HIVEP3: variants seen among roughly 807,000 people sequenced by gnomAD.
HIVEP3 encodes transcription factor HIVEP3.
A neutral mutation model predicts 152.8 loss-of-function variants in HIVEP3; 49 were observed. The ratio of observed to expected loss-of-function variants is 0.32; its 90% CI spans 0.26 to 0.41. The LOEUF (loss-of-function observed/expected upper bound fraction) is 0.41. HIVEP3 is among the 10% of genes least tolerant of loss of function. The pLI is 1.00. For synonymous variants in HIVEP3, 1,269 were observed against 1,289.0 expected, an observed-to-expected ratio of 0.98 and a Z score of 0.33; for missense variants, 2,790 against 3,103.3, an observed-to-expected ratio of 0.90 and a Z score of 2.40.
chr1:41,819,536 A>G (rs935683056), intron 1 of HIVEP3, among the ~76,000 whole-genome samples: 3 of 152,110 alleles, frequency 2.0e-5, no homozygotes, highest in Non-Finnish European at 2.9e-5. Flanking sequence ...TCCTCTCAGA[A>G]TTGTTTTAGC....
chr1:41,805,714 A>T (rs559913257), intron 1 of HIVEP3, among the ~76,000 whole-genome samples: 2 of 152,358 alleles, frequency 1.3e-5, no homozygotes, highest in South Asian at 4.1e-4. Flanking sequence ...TCCATTTTAA[A>T]ATGAGAACAA....
chr1:41,527,096 CCA>C lies in HIVEP3; in HGVS notation c.5208-2188_5208-2187del, dbSNP rs1327364604. Reference sequence around the variant, plus strand: ...CTCATCCTCACACACACCCACACACCCACACTCACCCTCACACACCCTCTTCC... The same window carrying C: ...CTCATCCTCACACACACCCACACACCCACTCACCCTCACACACCCTCTTCC... On this transcript the variant is annotated intron_variant, in intron 5 of 8. Coordinates refer to ENST00000372583, the MANE Select transcript of HIVEP3 (RefSeq NM_024503.5). Among the ~76,000 whole-genome samples, 44 of 121,654 alleles carry C rather than the reference CCA, an allele frequency of 3.6e-4. 1 individual carries two copies. The highest frequency in any genetic ancestry group is 5.9e-4 in the Non-Finnish European group (33 of 56,306). The allele number at this position is 121,654 out of a possible 152,430, so 79.8% of individuals were successfully genotyped here. A position where few individuals can be genotyped will look rare whatever the true frequency, so the allele number is the denominator to read the frequency against.
intron 1 of HIVEP3, among the ~76,000 whole-genome samples, chr1:41,761,073 G>C (rs571425652): frequency 6.6e-6 from 1 of 152,402 alleles, no homozygotes; most frequent in South Asian, 2.1e-4. Flanking sequence ...TGGTGAGAGA[G>C]ACTACAGGGC....
chr1:41,555,863 A>G (rs1035155145), intron 5 of HIVEP3, among the ~76,000 whole-genome samples: 7 of 152,274 alleles, frequency 4.6e-5, no homozygotes, highest in South Asian at 2.1e-4. Flanking sequence ...TATGTACCCC[A>G]TATCAGTGAA....
intron 3 of HIVEP3, among the ~76,000 whole-genome samples, chr1:41,588,574 A>G (rs980401029): frequency 6.6e-6 from 1 of 152,012 alleles, no homozygotes. Flanking sequence ...CTGCATCATC[A>G]GATGACTACA....
intron 2 of HIVEP3, among the ~76,000 whole-genome samples, chr1:41,629,617 C>A (rs1240309329): frequency 3.3e-5 from 5 of 152,108 alleles, no homozygotes; most frequent in Non-Finnish European, 7.3e-5. Flanking sequence ...AGGCAAAGGA[C>A]ACGAATAGAC....
At chr1:41,518,747 T>C (rs936813267) in intron 6 of HIVEP3, among the ~76,000 whole-genome samples, 6 of 150,778 alleles carry the variant, frequency 4.0e-5, no homozygotes. Context: ...ACAGACAGTA[T>C]AATGAGGAAG....
intron 5 of HIVEP3, among the ~76,000 whole-genome samples, chr1:41,559,371 A>C (rs573482944): frequency 6.6e-6 from 1 of 152,346 alleles, no homozygotes; most frequent in East Asian, 1.9e-4. Context: ...AGCAAGTTGC[A>C]ACCCAACGTC....
intron 2 of HIVEP3, among the ~76,000 whole-genome samples, chr1:41,666,143 ATGTG>A (rs964947479): frequency 6.9e-6 from 1 of 144,404 alleles, no homozygotes; most frequent in Non-Finnish European, 1.5e-5. Flanking sequence ...GTGTGTGTGT[ATGTG>A]TGTGTGTGTG....
intron 1 of HIVEP3, among the ~76,000 whole-genome samples, chr1:41,719,471 G>A (rs1646646116): frequency 6.6e-6 from 1 of 152,216 alleles, no homozygotes; most frequent in African/African-American, 2.4e-5. Flanking sequence ...GTGAGCCCTA[G>A]TGAGTTTTCC....
At chr1:41,761,773 T>G (rs1570479545) in intron 1 of HIVEP3, among the ~76,000 whole-genome samples, 1 of 152,344 alleles carries the variant, frequency 6.6e-6, no homozygotes, top group Middle Eastern at 3.4e-3. Flanking sequence ...TGTAGGCACA[T>G]GTATGTGCAT....
chr1:41,746,882 G>A (rs1481837335), intron 1 of HIVEP3, among the ~76,000 whole-genome samples: 1 of 152,178 alleles, frequency 6.6e-6, no homozygotes, highest in Non-Finnish European at 1.5e-5. Context: ...TGGGTGCAGG[G>A]TATAAATGCC....
At chr1:41,548,463 C>CT (rs1159220182) in intron 5 of HIVEP3, among the ~76,000 whole-genome samples, 1 of 152,164 alleles carries the variant, frequency 6.6e-6, no homozygotes, top group African/African-American at 2.4e-5. Context: ...TCATACTGCA[C>CT]TTTTTTAAGC....
intron 1 of HIVEP3, among the ~76,000 whole-genome samples, chr1:41,958,375 G>A (rs1436334253): frequency 1.3e-5 from 2 of 152,214 alleles, no homozygotes; most frequent in East Asian, 3.9e-4. Flanking sequence ...GGTAGTTATT[G>A]AAACTTGGTG....
At chr1:41,527,682 C>G (rs1400061569) in intron 5 of HIVEP3, among the ~76,000 whole-genome samples, 2 of 138,438 alleles carry the variant, frequency 1.4e-5, no homozygotes, top group African/African-American at 5.5e-5. Context: ...CACATCCCAC[C>G]CTCATGCTCA....
chr1:41,976,842 C>T lies in HIVEP3; in HGVS notation n.120-58318G>A, dbSNP rs146876142. ...TTATGCTGCCACAAGCCGAGGAATC[C>T]GCAGAAGCTGGGAGGGTGGAACAGA... is the stretch of plus-strand genomic sequence containing the variant. On this transcript the variant is annotated intron_variant and non_coding_transcript_variant, in intron 1 of 3. Coordinates refer to the HIVEP3 transcript ENST00000489103. Among the ~76,000 whole-genome samples, 568 of 152,240 alleles carry T rather than the reference C, an allele frequency of 3.7e-3. 1 individual carries two copies. The highest frequency in any genetic ancestry group is 5.4e-3 in the Non-Finnish European group (367 of 68,020).
At chr1:41,615,880 A>G (rs1221690605) in intron 3 of HIVEP3, among the ~76,000 whole-genome samples, 1 of 123,698 alleles carries the variant, frequency 8.1e-6, no homozygotes, top group Non-Finnish European at 1.6e-5. Context: ...TTATATTATC[A>G]TGCATAATAT....
intron 5 of HIVEP3, among the ~76,000 whole-genome samples, chr1:41,528,970 CCT>C (rs1643130529): frequency 6.9e-6 from 1 of 144,678 alleles, no homozygotes; most frequent in African/African-American, 2.6e-5. Context: ...ACACCCCCAC[CCT>C]CACACTCACC....
At chr1:41,802,196 C>T (rs190933552) in intron 1 of HIVEP3, among the ~76,000 whole-genome samples, 17 of 152,300 alleles carry the variant, frequency 1.1e-4, no homozygotes, top group Admixed American at 1.1e-3. Context: ...TACTACCTAG[C>T]TTTGGGAGTT....
Sources: gnomAD v4.1 joint callset for allele counts (sites outside exome capture counted in the v4.1 genomes callset) on GRCh38, gnomAD v4.1.1 for gene constraint, MANE v1.5 for transcripts, NCBI Gene and HGNC (gene_info 2026-07-23, HGNC 2026-07-21) for gene names.